The following TTLL5 variants were observed in gnomAD, a reference collection of about 807,000 sequenced individuals.
TTLL5 encodes the protein tubulin polyglutamylase TTLL5.
A neutral mutation model predicts 168.4 loss-of-function variants in TTLL5; 132 were observed. The observed-to-expected ratio is 0.78, with a 90% CI of 0.68 to 0.91. The LOEUF is 0.91. TTLL5 is among the 40% of genes least tolerant of loss of function. The probability of loss-of-function intolerance (pLI) is 0.00; values close to 1 mark genes in which losing one functional copy is unlikely to be tolerated. For missense variants in TTLL5, 1,545 were observed against 1,581.5 expected, an observed-to-expected ratio of 0.98 and a Z score of 0.39; for synonymous variants, 546 against 558.6, an observed-to-expected ratio of 0.98 and a Z score of 0.32.
chr14:75,817,364 G>A (rs1595091026), intron 27 of TTLL5, among the ~76,000 whole-genome samples: 2 of 152,162 alleles, frequency 1.3e-5, no homozygotes, highest in East Asian at 1.9e-4. Context: ...ATATATGGCC[G>A]GTGAGTTTTT....
chr14:75,883,100 G>A (rs115632133), intron 30 of TTLL5, among the ~76,000 whole-genome samples, 198 bp downstream of exon 30: 240 of 152,338 alleles, frequency 1.6e-3, no homozygotes, highest in African/African-American at 5.4e-3. Flanking sequence ...CAAGCAGATG[G>A]CAGGGCTTTA....
chr14:75,784,496 G>T (rs1426208283), intron 26 of TTLL5, among the ~76,000 whole-genome samples: 2 of 152,160 alleles, frequency 1.3e-5, no homozygotes, highest in African/African-American at 4.8e-5. Flanking sequence ...TAGTTGAGGG[G>T]CATTTGATTT....
At chr14:75,848,286 A>G (rs567800184) in intron 28 of TTLL5, among the ~76,000 whole-genome samples, 1 of 152,162 alleles carries the variant, frequency 6.6e-6, no homozygotes, top group Non-Finnish European at 1.5e-5. Context: ...GTTTATGTGC[A>G]CTAGGTTTGA....
rs561078439 is a variant in TTLL5, at chr14:75,827,707, CTTTTTTTTTTTTTTT to C, written c.3326+7563_3326+7577del. 7.5e-5 allele frequency among the ~76,000 whole-genome samples: 4 copies of C among 53,204 alleles called. 1 individual carries two copies. The highest frequency in any genetic ancestry group is 1.5e-3 in the East Asian group (2 of 1,298). 34.9% of individuals were successfully genotyped at this position (53,204 alleles called of 152,430 possible). On this transcript the variant is annotated intron_variant, in intron 28 of 31. Coordinates refer to ENST00000298832, the MANE Select transcript of TTLL5 (RefSeq NM_015072.5). ...AATCAATACCACATTTGGCTTGGTT[CTTTTTTTTTTTTTTT>C]TTTTTTTTTTTTTTTTGAAACAAGG...
intron 26 of TTLL5, among the ~76,000 whole-genome samples, chr14:75,783,753 A>C (rs1175906350): frequency 6.6e-6 from 1 of 152,232 alleles, no homozygotes; most frequent in Non-Finnish European, 1.5e-5. Context: ...CTGGAGATAA[A>C]GAGATGAATC....
intron 19 of TTLL5, among the ~76,000 whole-genome samples, 183 bp from the exon 20 acceptor site, chr14:75,765,879 G>A (rs759871): frequency 0.76 from 115,070 of 152,058 alleles, 43,878 homozygotes; most frequent in Admixed American, 0.8. Flanking sequence ...GATAATAAAT[G>A]AAAACAAAAA....
At chr14:75,887,033 A>G (rs1409102605) in intron 30 of TTLL5, 1 of 1,295,196 alleles carries the variant, frequency 7.7e-7, no homozygotes, top group African/African-American at 1.5e-5. Flanking sequence ...AGCTGAGATG[A>G]CCTTCTTTAC....
intron 28 of TTLL5, among the ~76,000 whole-genome samples, chr14:75,861,444 A>G (rs1432005828): frequency 1.3e-5 from 2 of 152,150 alleles, no homozygotes; most frequent in African/African-American, 4.8e-5. Context: ...TGCTCTGTTG[A>G]GTCATCAGGA....
At chr14:75,744,906 C>T (rs1022941378) in intron 15 of TTLL5, among the ~76,000 whole-genome samples, 189 bp from the exon 16 acceptor site, 1 of 152,024 alleles carries the variant, frequency 6.6e-6, no homozygotes, top group African/African-American at 2.4e-5. Context: ...TCTCCTCTTG[C>T]CTTTGAGTTT....
At position 75,793,035 on chromosome 14, in the gene TTLL5, C is replaced by A; in HGVS notation, c.3106C>A (p.Leu1036Ile). The change falls in exon 27 of 32, where the codon CTA becomes ATA. Residue 1036 changes from leucine to isoleucine, a missense_variant. Transcript: ENST00000298832. ...QSMVTAELQR[L>I]AEKQAARQYS... is the part of the protein sequence containing the mutation. Reference sequence around the variant, plus strand: ...TATGGTTACAGCTGAACTTCAGCGGCTAGCTGAGAAGCAGGCAGCGAGACA... The same window carrying A: ...TATGGTTACAGCTGAACTTCAGCGGATAGCTGAGAAGCAGGCAGCGAGACA... The A allele has an allele frequency of 6.2e-7, 1 of 1,613,888 alleles. No individual in the cohort carries two copies. Among genetic ancestry groups the A allele is most frequent in the South Asian group, 1.1e-5 (1 of 91,034 alleles).
rs1168538753 is a variant in TTLL5 at position 75,816,728 on chromosome 14, C to G, written c.3172-3279C>G. Among the ~76,000 whole-genome samples, 3 of 152,260 alleles carry G rather than the reference C, an allele frequency of 2.0e-5. No individual in the cohort carries two copies. The East Asian group carries it at 5.8e-4, about 29-fold the overall frequency. On this transcript the variant is annotated intron_variant, in intron 27 of 31. Transcript: ENST00000298832. The stretch of plus-strand genomic sequence containing the variant: ...TTAGTTATCATAAAGACCTTTCTCA[C>G]TGTACTTTTTCTGTAAGTTTCAAGA...
At chr14:75,890,180 G>A (rs2032331073) in intron 30 of TTLL5, among the ~76,000 whole-genome samples, 1 of 152,176 alleles carries the variant, frequency 6.6e-6, no homozygotes, top group East Asian at 1.9e-4. Context: ...CACACATAGG[G>A]AAGATGCTGA....
At chr14:75,878,472 C>A (rs1214396924) in intron 29 of TTLL5, among the ~76,000 whole-genome samples, 1 of 152,190 alleles carries the variant, frequency 6.6e-6, no homozygotes, top group East Asian at 1.9e-4. Context: ...ATAAGGTGTG[C>A]ACCAGCCGAG....
At chr14:75,860,224 T>C (rs1487987111) in intron 28 of TTLL5, among the ~76,000 whole-genome samples, 3 of 152,154 alleles carry the variant, frequency 2.0e-5, no homozygotes, top group African/African-American at 4.8e-5. Flanking sequence ...CCTTTATATA[T>C]CCACAGACCC....
chr14:75,892,570 G>A (rs550632742), intron 30 of TTLL5, among the ~76,000 whole-genome samples: 2 of 152,306 alleles, frequency 1.3e-5, no homozygotes, highest in East Asian at 3.9e-4. Context: ...CTGGCATCTA[G>A]TGGGTAGACT....
At chr14:75,899,851 C>A (rs557230990) in intron 30 of TTLL5, among the ~76,000 whole-genome samples, 57 of 152,198 alleles carry the variant, frequency 3.7e-4, no homozygotes, top group Middle Eastern at 3.4e-3. Flanking sequence ...GTCTAAGCCC[C>A]CAGGGACTCT....
At chr14:75,711,687 T>C (rs1201031438) in intron 9 of TTLL5, 2 of 152,170 alleles carry the variant, frequency 1.3e-5, no homozygotes, top group Non-Finnish European at 2.9e-5. Flanking sequence ...CCGGTTGGAA[T>C]GGCCTTTTTT....
At chr14:75,702,426 A>G (rs1292641001) in intron 7 of TTLL5, among the ~76,000 whole-genome samples, 4 of 152,366 alleles carry the variant, frequency 2.6e-5, no homozygotes, top group Non-Finnish European at 4.4e-5. Context: ...TGGAATTGCT[A>G]TTGAAAGTCA....
intron 12 of TTLL5, among the ~76,000 whole-genome samples, chr14:75,726,849 A>G (rs926362189): frequency 2.0e-5 from 3 of 152,204 alleles, no homozygotes; most frequent in Non-Finnish European, 2.9e-5. Flanking sequence ...CAGGGGAGCG[A>G]TAGGATTATT....
Sources: gnomAD v4.1 joint callset for allele counts (sites outside exome capture counted in the v4.1 genomes callset) on GRCh38, gnomAD v4.1.1 for gene constraint, MANE v1.5 for transcripts, NCBI Gene and HGNC (gene_info 2026-07-23, HGNC 2026-07-21) for gene names.